The following WWOX variants were observed in gnomAD, a reference collection of about 807,000 sequenced individuals.
The protein encoded by WWOX is WW domain containing oxidoreductase.
WWOX carries 69 observed loss-of-function variants against 46.2 expected under a neutral mutation model. That is an observed-to-expected ratio of 1.49 (90% confidence interval 1.23 to 1.82). WWOX has a LOEUF of 1.82. Among genes scored for constraint, WWOX ranks in the 40% most tolerant of loss-of-function variants. WWOX has a pLI of 0.00. For missense variants in WWOX, 919 were observed against 542.6 expected (o/e 1.69, Z -6.89); for synonymous variants, 359 against 202.6 (o/e 1.77, Z -6.56).
At chr16:78,382,136 A>C (rs541436435) in intron 5 of WWOX, among the ~76,000 whole-genome samples, 3 of 152,286 alleles carry the variant, frequency 2.0e-5, no homozygotes, top group African/African-American at 7.2e-5. Flanking sequence ...CCAGAGAGGT[A>C]GACAGGGACC....
chr16:78,843,525 T>G (rs1331200837), intron 8 of WWOX, among the ~76,000 whole-genome samples: 1 of 149,982 alleles, frequency 6.7e-6, no homozygotes, highest in Admixed American at 6.7e-5. Flanking sequence ...AAATGACATG[T>G]TTTGACTCTT....
chr16:78,615,404 G>A (rs754727359), intron 8 of WWOX, among the ~76,000 whole-genome samples: 7 of 152,200 alleles, frequency 4.6e-5, no homozygotes, highest in African/African-American at 7.2e-5. Flanking sequence ...ATTTCAACAC[G>A]TAGGGAGGCT....
chr16:79,035,139 A>T (rs906426564), intron 8 of WWOX, among the ~76,000 whole-genome samples: 2 of 152,230 alleles, frequency 1.3e-5, no homozygotes, highest in African/African-American at 4.8e-5. Context: ...CTGTGATCTC[A>T]TCATTTGACC....
chr16:79,000,960 A>T (rs555911937), intron 8 of WWOX, among the ~76,000 whole-genome samples: 1 of 152,282 alleles, frequency 6.6e-6, no homozygotes, highest in South Asian at 2.1e-4. Flanking sequence ...GTGTGGTTCA[A>T]CTATGAGATT....
At chr16:79,089,529 T>G (rs1042017359) in intron 8 of WWOX, among the ~76,000 whole-genome samples, 4 of 151,880 alleles carry the variant, frequency 2.6e-5, no homozygotes, top group African/African-American at 7.3e-5. Flanking sequence ...ACAGGGTTTC[T>G]CCATATTGGT....
At chr16:78,744,349 A>G (rs988952872) in intron 8 of WWOX, among the ~76,000 whole-genome samples, 3 of 148,250 alleles carry the variant, frequency 2.0e-5, no homozygotes, top group Non-Finnish European at 3.0e-5. Context: ...GCTTTTTTAT[A>G]GTGACTGCAT....
intron 5 of WWOX, among the ~76,000 whole-genome samples, chr16:78,263,626 A>G (rs2079294698): frequency 7.5e-6 from 1 of 133,044 alleles, no homozygotes; most frequent in Non-Finnish European, 1.6e-5. Context: ...ACAGAGAGAA[A>G]GAGAGAGAGA....
At chr16:78,714,325 G>A (rs370531264) in intron 8 of WWOX, among the ~76,000 whole-genome samples, 9 of 152,198 alleles carry the variant, frequency 5.9e-5, no homozygotes, top group East Asian at 3.9e-4. Context: ...GCAAAGGGGC[G>A]TCTTACATGG....
chr16:78,427,132 C>G (rs1597068300), intron 7 of WWOX, among the ~76,000 whole-genome samples: 1 of 152,170 alleles, frequency 6.6e-6, no homozygotes. Flanking sequence ...GGCCCTAAAC[C>G]ATGCTGTAAA....
chr16:78,824,400 C>T (rs1470134653), intron 8 of WWOX, among the ~76,000 whole-genome samples: 3 of 152,178 alleles, frequency 2.0e-5, no homozygotes, highest in Non-Finnish European at 4.4e-5. Context: ...TTTCCTCATT[C>T]ATTCATTCCT....
chr16:78,862,332 A>G (rs1243523569), intron 8 of WWOX, among the ~76,000 whole-genome samples: 2 of 150,794 alleles, frequency 1.3e-5, no homozygotes, highest in Admixed American at 6.6e-5. Flanking sequence ...CTATATCTAT[A>G]CATTATATGT....
intron 8 of WWOX, among the ~76,000 whole-genome samples, chr16:79,088,177 G>T (rs1161127359): frequency 6.6e-6 from 1 of 152,300 alleles, no homozygotes; most frequent in African/African-American, 2.4e-5. Flanking sequence ...CTGGGCCTCA[G>T]CCAGGCTTGA....
chr16:78,466,943 CCAG>C (rs2084093544), intron 8 of WWOX, among the ~76,000 whole-genome samples: 1 of 139,352 alleles, frequency 7.2e-6, no homozygotes, highest in African/African-American at 3.0e-5. Flanking sequence ...TATGTAATGC[CCAG>C]TAAAGTAAAC....
chr16:78,445,288 C>G (rs531240916), intron 8 of WWOX, among the ~76,000 whole-genome samples: 1 of 152,156 alleles, frequency 6.6e-6, no homozygotes, highest in Non-Finnish European at 1.5e-5. Flanking sequence ...GGAATATGTT[C>G]TAGAAGAAGG....
At position 79,002,871 on chromosome 16, in the gene WWOX, C is replaced by T. The variant is rs371367884; in HGVS notation, c.1057-208737C>T. 7.9e-5 allele frequency among the ~76,000 whole-genome samples: 12 copies of T among 152,334 alleles called. No individual in the cohort carries two copies. In the South Asian group the frequency reaches 2.3e-3, roughly 29 times the overall value. ...CGAGATGCTGATTTGGAAAATAACT[C>T]CATGATGAAACATGTCAAGGGAGAC... is the stretch of plus-strand genomic sequence containing the variant. On this transcript the variant is annotated intron_variant, in intron 8 of 8. Transcript: ENST00000566780.
At chr16:78,713,527 G>A (rs1166333831) in intron 8 of WWOX, among the ~76,000 whole-genome samples, 1 of 152,114 alleles carries the variant, frequency 6.6e-6, no homozygotes, top group East Asian at 1.9e-4. Flanking sequence ...GGATGGTTAA[G>A]TTAAAATGAG....
At chr16:78,358,137 G>A (rs181961894) in intron 5 of WWOX, among the ~76,000 whole-genome samples, 1 of 152,116 alleles carries the variant, frequency 6.6e-6, no homozygotes, top group Non-Finnish European at 1.5e-5. Context: ...TAATAACACA[G>A]AGAAATCTAA....
chr16:79,095,255 G>A (rs1314809170), intron 8 of WWOX, among the ~76,000 whole-genome samples: 1 of 152,182 alleles, frequency 6.6e-6, no homozygotes, highest in African/African-American at 2.4e-5. Context: ...TTTAGCGGGA[G>A]AAGACAGAAG....
intron 8 of WWOX, among the ~76,000 whole-genome samples, chr16:78,698,191 G>T (rs916027165): frequency 1.3e-5 from 2 of 152,140 alleles, no homozygotes; most frequent in African/African-American, 4.8e-5. Flanking sequence ...GACACATTCT[G>T]AACAAGGTCA....
Sources: allele counts gnomAD v4.1 joint callset (sites outside exome capture counted in the v4.1 genomes callset), GRCh38; gene constraint gnomAD v4.1.1; transcripts MANE v1.5; gene names NCBI Gene and HGNC (gene_info 2026-07-23, HGNC 2026-07-21).